Variants in CORO1C observed in about 807,000 individuals in gnomAD.
CORO1C encodes coronin 1C, also known as coronin-1C.
In CORO1C, 14 loss-of-function variants were observed where a neutral mutation model predicts 51.2. That is an observed-to-expected ratio of 0.27 (90% CI 0.18 to 0.43). The LOEUF is 0.43. CORO1C is among the 20% of genes least tolerant of loss of function. CORO1C has a pLI of 1.00. For synonymous variants in CORO1C, 181 were observed against 210.5 expected, an observed-to-expected ratio of 0.86 and a Z score of 1.21; for missense variants, 417 against 607.8, an observed-to-expected ratio of 0.69 and a Z score of 3.30.
chr12:108,698,952 C>T (rs2034778284), intron 2 of CORO1C, among the ~76,000 whole-genome samples: 1 of 152,164 alleles, frequency 6.6e-6, no homozygotes, highest in Non-Finnish European at 1.5e-5. Context: ...TATAGAAACC[C>T]AAGTATTGAT....
intron 1 of CORO1C, among the ~76,000 whole-genome samples, chr12:108,717,652 T>C (rs1480728993): frequency 6.6e-6 from 1 of 152,176 alleles, no homozygotes; most frequent in African/African-American, 2.4e-5. Flanking sequence ...CTAATTTGAC[T>C]CATGCAACCA....
At chr12:108,652,652 G>C (rs1036505658) in intron 7 of CORO1C, among the ~76,000 whole-genome samples, 1 of 152,120 alleles carries the variant, frequency 6.6e-6, no homozygotes, top group African/African-American at 2.4e-5. Flanking sequence ...CAGCCTCCTG[G>C]CTCCTGGCTC....
At chr12:108,683,915 T>G (rs1269501206) in intron 2 of CORO1C, among the ~76,000 whole-genome samples, 2 of 152,172 alleles carry the variant, frequency 1.3e-5, no homozygotes, top group Non-Finnish European at 2.9e-5. Context: ...ATGTAACACC[T>G]TGATACAAAG....
intron 10 of CORO1C, 131 bp from the exon 11 acceptor site, chr12:108,647,653 G>A (rs1270723942): frequency 1.6e-6 from 1 of 632,880 alleles, no homozygotes; most frequent in African/African-American, 1.9e-5. Context: ...AAGTTGAAAA[G>A]AGAAGTCAAA....
intron 6 of CORO1C, 138 bp downstream of exon 6, chr12:108,657,166 T>C (rs2033062956): frequency 8.5e-7 from 1 of 1,178,554 alleles, no homozygotes; most frequent in Non-Finnish European, 1.2e-6. Flanking sequence ...GGATAAGAAC[T>C]TCACATCCAA....
chr12:108,718,383 A>T (rs2136884344), intron 1 of CORO1C, among the ~76,000 whole-genome samples: 1 of 151,446 alleles, frequency 6.6e-6, no homozygotes, highest in African/African-American at 2.4e-5. Context: ...AAAAAAAAAA[A>T]ATACAAAAAT....
chr12:108,675,158 T>C (rs891804842), intron 3 of CORO1C, among the ~76,000 whole-genome samples: 4 of 152,202 alleles, frequency 2.6e-5, no homozygotes, highest in Admixed American at 2.0e-4. Context: ...ACACTCTCTT[T>C]GGTAATACAG....
chr12:108,703,088 T>A, intron 1 of CORO1C: 1 of 763,590 alleles, frequency 1.3e-6, no homozygotes, highest in Non-Finnish European at 2.0e-6. Flanking sequence ...AAAGCACATC[T>A]ATACAAAAGC....
intron 10 of CORO1C, among the ~76,000 whole-genome samples, chr12:108,647,912 G>C (rs1012372098): frequency 1.3e-5 from 2 of 151,788 alleles, no homozygotes. Context: ...ACCAGAGAGA[G>C]GGGTGACTCT....
At chr12:108,681,965 T>C (rs1038829908) in intron 2 of CORO1C, among the ~76,000 whole-genome samples, 3 of 152,060 alleles carry the variant, frequency 2.0e-5, no homozygotes, top group Non-Finnish European at 4.4e-5. Context: ...GACTTAAAAA[T>C]TGACTAATTT....
intron 1 of CORO1C, among the ~76,000 whole-genome samples, chr12:108,712,913 TAAAAAAA>T (rs142742201): frequency 7.8e-6 from 1 of 128,078 alleles, no homozygotes; most frequent in East Asian, 2.3e-4. Flanking sequence ...CATGTCTCTT[TAAAAAAA>T]AAAAAAAAAA....
intron 2 of CORO1C, among the ~76,000 whole-genome samples, chr12:108,686,101 T>A (rs1013993351): frequency 1.3e-5 from 2 of 152,244 alleles, no homozygotes; most frequent in African/African-American, 4.8e-5. Flanking sequence ...CGGCCTTATA[T>A]GGTAAAGATG....
intron 7 of CORO1C, among the ~76,000 whole-genome samples, chr12:108,653,382 C>A (rs1363140388): frequency 1.3e-5 from 2 of 152,160 alleles, no homozygotes; most frequent in Non-Finnish European, 2.9e-5. Context: ...CAGACAAGAT[C>A]TCCATTTCTA....
chr12:108,662,049 C>T lies in CORO1C; in HGVS notation c.428G>A (p.Arg143His), dbSNP rs754176044. Reference protein sequence around the residue: ...VGIVAWHPTARNVLLSAGCDN... With the variant: ...VGIVAWHPTAHNVLLSAGCDN... Reference sequence around the variant, plus strand: ...CCCACCTGCACTAAGAAGCACATTGCGGGCCGTTGGATGCCAAGCCACGAT... The same window carrying T: ...CCCACCTGCACTAAGAAGCACATTGTGGGCCGTTGGATGCCAAGCCACGAT... Residue 143 changes from arginine to histidine, a missense_variant, in exon 4 of 11, where the codon CGC (arginine) becomes CAC (histidine). Coordinates refer to ENST00000261401, the MANE Select transcript of CORO1C (RefSeq NM_014325.4). 9.9e-6 allele frequency: 16 copies of T among 1,614,000 alleles called. No individual in the cohort carries two copies. Among genetic ancestry groups the T allele is most frequent in the Middle Eastern group, 1.6e-4 (1 of 6,084 alleles).
rs1299927303 is a variant in CORO1C, at chr12:108,656,262, G to A, written c.750+1042C>T. On this transcript the variant is annotated intron_variant, in intron 6 of 10. Transcript: ENST00000261401. ...TGGGAAGTGAGGAGCGTCTCTGCCC[G>A]GCAGCCACCCCGTCCGGGAGGGAGG... Among the ~76,000 whole-genome samples, 56 of 151,482 alleles carry A rather than the reference G, an allele frequency of 3.7e-4. 1 individual carries two copies. The highest frequency in any genetic ancestry group is 1.7e-4 in the African/African-American group (7 of 41,266).
In CORO1C at chr12:108,720,164, T is replaced by C. The variant is rs567873520; in HGVS notation, c.-6+11265A>G. ...TCACACCACTGCACTCCAGCCTGGG[T>C]GACAGAGCAAGACCCTGTCTCAAAC... is the stretch of plus-strand genomic sequence containing the variant. On this transcript the variant is annotated intron_variant, in intron 1 of 10. Coordinates refer to ENST00000261401, the MANE Select transcript of CORO1C (RefSeq NM_014325.4). Among the ~76,000 whole-genome samples, 10 of 151,954 alleles carry C rather than the reference T, an allele frequency of 6.6e-5. No individual in the cohort carries two copies. The South Asian group carries it at 2.1e-3, about 32-fold the overall frequency.
chr12:108,709,724 A>AG, intron 1 of CORO1C, among the ~76,000 whole-genome samples: 1 of 152,314 alleles, frequency 6.6e-6, no homozygotes, highest in Non-Finnish European at 1.5e-5. Context: ...TTCTCAAAAA[A>AG]GAAAAAAAAA....
chr12:108,684,646 G>C (rs2034237715), intron 2 of CORO1C, among the ~76,000 whole-genome samples: 2 of 152,044 alleles, frequency 1.3e-5, no homozygotes, highest in Admixed American at 6.5e-5. Flanking sequence ...TACCTCTGGG[G>C]AAGGAGAAAA....
intron 1 of CORO1C, among the ~76,000 whole-genome samples, chr12:108,729,986 T>C (rs940084967): frequency 2.6e-5 from 4 of 152,226 alleles, no homozygotes; most frequent in Non-Finnish European, 5.9e-5. Context: ...TTTTAGAATG[T>C]AATCCCAGGC....
Sources: allele counts gnomAD v4.1 joint callset (sites outside exome capture counted in the v4.1 genomes callset), GRCh38; gene constraint gnomAD v4.1.1; transcripts MANE v1.5; gene names NCBI Gene and HGNC (gene_info 2026-07-23, HGNC 2026-07-21).